The following NIPA1 variants were observed in gnomAD, a reference collection of about 807,000 sequenced individuals.
NIPA1 encodes the protein magnesium transporter NIPA1.
In NIPA1, 13 loss-of-function variants were observed where a neutral mutation model predicts 23.9. The ratio of observed to expected loss-of-function variants is 0.54; its 90% CI spans 0.35 to 0.87. NIPA1 has a LOEUF of 0.87. Among genes scored for constraint, NIPA1 ranks in the 40% least tolerant of loss-of-function variants. The pLI, the probability that NIPA1 is intolerant of heterozygous loss-of-function variation, is 0.01. For missense variants in NIPA1, 362 were observed against 429.7 expected (o/e 0.84, Z 1.39); for synonymous variants, 234 against 202.9 (o/e 1.15, Z -1.30).
intron 1 of NIPA1, among the ~76,000 whole-genome samples, chr15:22,792,266 G>A (rs772279343): frequency 6.6e-6 from 1 of 152,236 alleles, no homozygotes; most frequent in African/African-American, 2.4e-5. Context: ...GGCTGCGCAG[G>A]AGAGCTGCCA....
intron 1 of NIPA1, among the ~76,000 whole-genome samples, chr15:22,809,638 G>T (rs1475069977): frequency 6.6e-6 from 1 of 151,804 alleles, no homozygotes; most frequent in Non-Finnish European, 1.5e-5. Context: ...TCAGCTACTC[G>T]GGAGGCTGAG....
chr15:22,818,019 T>C (rs1008946763), intron 3 of NIPA1, among the ~76,000 whole-genome samples: 1 of 151,720 alleles, frequency 6.6e-6, no homozygotes, highest in Non-Finnish European at 1.5e-5. Flanking sequence ...AGAAGGAAAA[T>C]AGATAAATTC....
chr15:22,804,779 C>A (rs896405309), intron 1 of NIPA1, among the ~76,000 whole-genome samples: 9 of 152,050 alleles, frequency 5.9e-5, no homozygotes, highest in African/African-American at 2.2e-4. Flanking sequence ...GAACTCTATT[C>A]CGTTGTGTTT....
intron 1 of NIPA1, among the ~76,000 whole-genome samples, chr15:22,807,659 AT>A (rs1186292696): frequency 6.6e-6 from 1 of 152,172 alleles, no homozygotes; most frequent in African/African-American, 2.4e-5. Flanking sequence ...GAACAATGAA[AT>A]TGACAAACCT....
intron 1 of NIPA1, among the ~76,000 whole-genome samples, chr15:22,796,821 C>G (rs963006907): frequency 7.9e-5 from 12 of 152,150 alleles, no homozygotes; most frequent in African/African-American, 2.9e-4. Context: ...GGTTGCCTGA[C>G]TCGTGCCCAG....
intron 1 of NIPA1, among the ~76,000 whole-genome samples, chr15:22,790,498 C>T (rs1386018475): frequency 6.7e-6 from 1 of 150,164 alleles, no homozygotes; most frequent in Admixed American, 6.7e-5. Context: ...CTCACTGCAA[C>T]TTCCACCTCC....
At position 22,824,325 on chromosome 15, in the gene NIPA1, C is replaced by A; in HGVS notation, c.*86C>A. 1 of 1,148,632 alleles carries A rather than the reference C, an allele frequency of 8.7e-7. No individual in the cohort carries two copies. 71.2% of individuals were successfully genotyped at this position (1,148,632 alleles called of 1,614,324 possible). The stretch of plus-strand genomic sequence containing the variant: ...TTGGATGTGAAGTAGAAGAGGTCCT[C>A]GATCATGGTGTTAGAATTGACTGGA... On this transcript the variant is annotated 3_prime_UTR_variant, in exon 5 of 5. Coordinates refer to ENST00000337435, the MANE Select transcript of NIPA1 (RefSeq NM_144599.5). The surrounding 1 kb of genome is among the most constrained non-coding windows in gnomAD (Gnocchi z 4.1).
At chr15:22,823,591 C>A in intron 4 of NIPA1, 137 bp from the exon 5 acceptor site, 1 of 787,626 alleles carries the variant, frequency 1.3e-6, no homozygotes, top group Non-Finnish European at 2.1e-6. Context: ...CCAGAGCCCA[C>A]ATGCTCCCCA....
At chr15:22,804,356 C>T (rs1234718263) in intron 1 of NIPA1, among the ~76,000 whole-genome samples, 5 of 150,470 alleles carry the variant, frequency 3.3e-5, no homozygotes, top group African/African-American at 1.2e-4. Flanking sequence ...CTCCTGACCT[C>T]GTGATCCACC....
intron 4 of NIPA1, among the ~76,000 whole-genome samples, chr15:22,821,868 C>T (rs1028265108): frequency 6.6e-6 from 1 of 152,214 alleles, no homozygotes; most frequent in Admixed American, 6.5e-5. Flanking sequence ...TCCTTATACA[C>T]ACAAGTTCAA....
chr15:22,791,425 C>T (rs1400694736), intron 1 of NIPA1, among the ~76,000 whole-genome samples: 1 of 146,066 alleles, frequency 6.8e-6, no homozygotes, highest in Non-Finnish European at 1.5e-5. Flanking sequence ...GAGTCAAGTT[C>T]TGGTGACAGT....
intron 1 of NIPA1, among the ~76,000 whole-genome samples, chr15:22,787,940 A>G (rs1039633428): frequency 6.6e-6 from 1 of 152,190 alleles, no homozygotes; most frequent in African/African-American, 2.4e-5. Flanking sequence ...GTGAAAGCAT[A>G]GTGGTCTCCC....
In NIPA1 at chr15:22,825,519, A is replaced by G. The variant is rs1895632865; in HGVS notation, c.*1280A>G. On this transcript the variant is annotated 3_prime_UTR_variant, in exon 5 of 5. Coordinates refer to ENST00000337435, the MANE Select transcript of NIPA1 (RefSeq NM_144599.5). ...CGATCTGTGTTACCTGGGATCCAGT[A>G]TCAAATATATCCACATTCTTTATCA... 2 of 152,350 alleles carry G rather than the reference A, an allele frequency of 1.3e-5. No individual in the cohort carries two copies. Among genetic ancestry groups the G allele is most frequent in the Non-Finnish European group, 2.9e-5 (2 of 68,032 alleles). 9.4% of individuals were successfully genotyped at this position (152,350 alleles called of 1,614,324 possible).
chr15:22,798,513 A>G (rs1894991497), intron 1 of NIPA1, among the ~76,000 whole-genome samples: 1 of 147,906 alleles, frequency 6.8e-6, no homozygotes, highest in Non-Finnish European at 1.5e-5. Flanking sequence ...TGCTGGGATT[A>G]CAGGCATGAG....
At chr15:22,789,509 G>A (rs1404159981) in intron 1 of NIPA1, among the ~76,000 whole-genome samples, 2 of 152,152 alleles carry the variant, frequency 1.3e-5, no homozygotes, top group Non-Finnish European at 2.9e-5. Context: ...CGGCGGGGCA[G>A]AGTCACTTAC....
chr15:22,803,344 G>T (rs1055872039), intron 1 of NIPA1, among the ~76,000 whole-genome samples: 3 of 151,622 alleles, frequency 2.0e-5, no homozygotes, highest in African/African-American at 7.3e-5. Flanking sequence ...GTGTGTGTGT[G>T]TATATGTATA....
At chr15:22,819,698 G>A (rs1211206932) in intron 3 of NIPA1, among the ~76,000 whole-genome samples, 1 of 151,908 alleles carries the variant, frequency 6.6e-6, no homozygotes, top group Non-Finnish European at 1.5e-5. Context: ...TATTTTGACA[G>A]TTTTTGTACC....
intron 3 of NIPA1, chr15:22,813,962 G>C (rs1363472854): frequency 2.2e-6 from 1 of 445,732 alleles, no homozygotes; most frequent in Admixed American, 2.4e-5. Flanking sequence ...ATCTTGGCAC[G>C]TGGCACATTG....
chr15:22,817,804 C>G (rs1203945809), intron 3 of NIPA1, among the ~76,000 whole-genome samples: 1 of 86,100 alleles, frequency 1.2e-5, no homozygotes, highest in African/African-American at 3.2e-5. Context: ...GACTGTGTCT[C>G]AAAGAAAAAA....
Sources: allele counts gnomAD v4.1 joint callset (sites outside exome capture counted in the v4.1 genomes callset), GRCh38; gene constraint gnomAD v4.1.1; non-coding constraint Gnocchi (gnomAD v3.1); transcripts MANE v1.5; gene names NCBI Gene and HGNC (gene_info 2026-07-23, HGNC 2026-07-21).